The following MAN1A2 variants were observed in gnomAD, a reference collection of about 807,000 sequenced individuals.
MAN1A2 encodes mannosyl-oligosaccharide 1,2-alpha-mannosidase IB.
In MAN1A2, 26 loss-of-function variants were observed where a neutral mutation model predicts 75.7. That is an observed-to-expected ratio of 0.34 (90% confidence interval 0.25 to 0.48). The LOEUF (loss-of-function observed/expected upper bound fraction) is 0.48, where lower values mean the gene tolerates loss of function less well. Ranked by LOEUF, MAN1A2 falls within the 20% of genes least tolerant of loss-of-function variation. The pLI is 0.99. For missense variants in MAN1A2, 562 were observed against 775.5 expected, an observed-to-expected ratio of 0.72 and a Z score of 3.27; for synonymous variants, 247 against 264.6, an observed-to-expected ratio of 0.93 and a Z score of 0.65.
chr1:117,392,932 CT>C (rs1225706434), intron 1 of MAN1A2, among the ~76,000 whole-genome samples: 1 of 152,144 alleles, frequency 6.6e-6, no homozygotes, highest in Non-Finnish European at 1.5e-5. Context: ...AGCCTTAAAT[CT>C]TTTTTAGCCT....
At chr1:117,439,522 C>G (rs1648957382) in intron 5 of MAN1A2, among the ~76,000 whole-genome samples, 1 of 151,096 alleles carries the variant, frequency 6.6e-6, no homozygotes, top group Admixed American at 6.6e-5. Flanking sequence ...GAGACAGAGT[C>G]TTGCTCTGTT....
chr1:117,477,603 A>T (rs951615562), intron 8 of MAN1A2, among the ~76,000 whole-genome samples: 3 of 151,900 alleles, frequency 2.0e-5, no homozygotes, highest in African/African-American at 7.3e-5. Context: ...CAAGCTAAAA[A>T]CTCTCAATAA....
chr1:117,387,371 T>G (rs891438253), intron 1 of MAN1A2, among the ~76,000 whole-genome samples: 2 of 152,122 alleles, frequency 1.3e-5, no homozygotes, highest in Admixed American at 6.6e-5. Context: ...AGCCAGTAGT[T>G]GTGATTCTAA....
intron 6 of MAN1A2, among the ~76,000 whole-genome samples, chr1:117,458,524 T>G (rs969984062): frequency 1.4e-5 from 1 of 71,704 alleles, no homozygotes; most frequent in African/African-American, 5.3e-5. Context: ...TATATATATA[T>G]TTTTTTTTTT....
chr1:117,386,212 A>G (rs1653520393), intron 1 of MAN1A2, among the ~76,000 whole-genome samples: 1 of 152,248 alleles, frequency 6.6e-6, no homozygotes, highest in Non-Finnish European at 1.5e-5. Context: ...GTGACTTAAA[A>G]TAAAATAAGG....
At chr1:117,441,326 CTTATTATA>C (rs1171906486) in intron 5 of MAN1A2, among the ~76,000 whole-genome samples, 1 of 152,036 alleles carries the variant, frequency 6.6e-6, no homozygotes, top group Non-Finnish European at 1.5e-5. Context: ...TCTTCAACTA[CTTATTATA>C]TTATTAGAAG....
chr1:117,368,040 C>A lies in MAN1A2; in HGVS notation c.-144C>A. On this transcript the variant is annotated 5_prime_UTR_variant, in exon 1 of 13. An upstream open reading frame in the 5' UTR gains an earlier in-frame stop. Transcript: ENST00000356554. Reference sequence around the variant, plus strand: ...GGAATGGATGGGCGTGAATGACGTGCCCTCTTAAAAAGCACAACAGTCCTT... The same window carrying A: ...GGAATGGATGGGCGTGAATGACGTGACCTCTTAAAAAGCACAACAGTCCTT... The A allele has an allele frequency of 1.4e-6, 1 of 718,704 alleles. No homozygotes were observed. Among genetic ancestry groups the A allele is most frequent in the Non-Finnish European group, 2.3e-6 (1 of 435,894 alleles). The allele number at this position is 718,704 out of a possible 1,614,324, so 44.5% of individuals were successfully genotyped here.
intron 7 of MAN1A2, among the ~76,000 whole-genome samples, chr1:117,464,769 G>A (rs563620281): frequency 1.3e-5 from 2 of 152,256 alleles, no homozygotes; most frequent in African/African-American, 4.8e-5. Context: ...TCACTATTGT[G>A]CTGCATTTCC....
chr1:117,527,947 C>A lies in MAN1A2; in HGVS notation c.*4990C>A, dbSNP rs1444231977. On this transcript the variant is annotated 3_prime_UTR_variant, in exon 13 of 13. Transcript: ENST00000356554. ...TTTAGACTGCAGAACGGTACTGCCC[C>A]TGTTACCTCTAGAATAGCCTGAGTC... 6.6e-6 allele frequency: 1 copy of A among 152,046 alleles called. No individual in the cohort carries two copies. Among genetic ancestry groups the A allele is most frequent in the Non-Finnish European group, 1.5e-5 (1 of 67,984 alleles). 9.4% of individuals were successfully genotyped at this position (152,046 alleles called of 1,614,324 possible).
intron 5 of MAN1A2, among the ~76,000 whole-genome samples, chr1:117,428,430 TA>T (rs202199667): frequency 6.6e-6 from 1 of 150,432 alleles, no homozygotes; most frequent in Non-Finnish European, 1.5e-5. Context: ...AATATTTAAA[TA>T]AAAAAAACAG....
At chr1:117,458,510 T>G (rs1026119589) in intron 6 of MAN1A2, among the ~76,000 whole-genome samples, 3 of 95,338 alleles carry the variant, frequency 3.1e-5, no homozygotes, top group South Asian at 3.8e-4. Flanking sequence ...TATATATATA[T>G]AGATATATAT....
At chr1:117,465,217 A>G (rs1649945595) in intron 7 of MAN1A2, among the ~76,000 whole-genome samples, 1 of 152,194 alleles carries the variant, frequency 6.6e-6, no homozygotes, top group Non-Finnish European at 1.5e-5. Flanking sequence ...GAGAAAAGCT[A>G]GTAAATGTGT....
intron 1 of MAN1A2, among the ~76,000 whole-genome samples, chr1:117,390,964 G>A (rs12127141): frequency 0.11 from 17,139 of 152,038 alleles, 1,051 homozygotes; most frequent in Non-Finnish European, 0.14. Flanking sequence ...ATACAATTCA[G>A]TGGTTTATTC....
chr1:117,514,361 CAAA>C (rs11335667), intron 12 of MAN1A2, among the ~76,000 whole-genome samples: 23 of 139,252 alleles, frequency 1.7e-4, no homozygotes, highest in East Asian at 2.1e-4. Flanking sequence ...GACTCCATCT[CAAA>C]AAAAAAAAAA....
At chr1:117,433,242 A>C (rs534780826) in intron 5 of MAN1A2, among the ~76,000 whole-genome samples, 16 of 152,092 alleles carry the variant, frequency 1.1e-4, no homozygotes, top group Non-Finnish European at 2.2e-4. Context: ...GGAAATGCTC[A>C]TTGTAGTGTT....
At chr1:117,380,773 T>G (rs1653308677) in intron 1 of MAN1A2, among the ~76,000 whole-genome samples, 1 of 152,198 alleles carries the variant, frequency 6.6e-6, no homozygotes, top group African/African-American at 2.4e-5. Context: ...AATGTAGCTT[T>G]GTAGTAAGTT....
intron 2 of MAN1A2, 117 bp downstream of exon 2, chr1:117,402,558 G>GT: frequency 1.1e-6 from 1 of 926,728 alleles, no homozygotes; most frequent in East Asian, 3.0e-5. Flanking sequence ...CATAGTTGTA[G>GT]TATAGTTTCC....
At chr1:117,399,549 A>C (rs1465870860) in intron 1 of MAN1A2, among the ~76,000 whole-genome samples, 2 of 152,142 alleles carry the variant, frequency 1.3e-5, no homozygotes, top group Non-Finnish European at 2.9e-5. Context: ...TCTCAGCTGG[A>C]AATGTCAGAA....
At chr1:117,368,574 T>TA in intron 1 of MAN1A2, 89 bp downstream of exon 1, 1 of 1,229,302 alleles carries the variant, frequency 8.1e-7, no homozygotes, top group Non-Finnish European at 1.1e-6. Flanking sequence ...TTTCTTGCAG[T>TA]AAAATGTAAT....
Sources: gnomAD v4.1 joint callset for allele counts (sites outside exome capture counted in the v4.1 genomes callset) on GRCh38, gnomAD v4.1.1 for gene constraint, MANE v1.5 for transcripts, NCBI Gene and HGNC (gene_info 2026-07-23, HGNC 2026-07-21) for gene names.